The following PLXDC2 variants were observed in gnomAD, a reference collection of about 807,000 sequenced individuals.
PLXDC2 encodes plexin domain-containing protein 2.
Under a neutral mutation model 68.9 loss-of-function variants are expected in PLXDC2, and 40 were observed. The observed-to-expected ratio is 0.58, with a 90% CI of 0.45 to 0.76. The LOEUF (loss-of-function observed/expected upper bound fraction) is 0.76, where lower values mean the gene tolerates loss of function less well. PLXDC2 is among the 30% of genes least tolerant of loss of function. PLXDC2 has a pLI of 0.00. For synonymous variants in PLXDC2, 243 were observed against 234.2 expected (o/e 1.04, Z -0.34); for missense variants, 644 against 661.9 (o/e 0.97, Z 0.30).
chr10:20,086,065 A>G (rs1158113683), intron 4 of PLXDC2, among the ~76,000 whole-genome samples: 1 of 152,184 alleles, frequency 6.6e-6, no homozygotes, highest in Non-Finnish European at 1.5e-5. Flanking sequence ...ACAAGGCTCA[A>G]TGTCACCTCT....
At chr10:20,163,340 AG>A (rs1834331644) in intron 6 of PLXDC2, among the ~76,000 whole-genome samples, 1 of 152,220 alleles carries the variant, frequency 6.6e-6, no homozygotes, top group African/African-American at 2.4e-5. Flanking sequence ...TTAACAAAAT[AG>A]CCCTTTCACA....
At chr10:20,020,248 A>C (rs548698699) in intron 2 of PLXDC2, among the ~76,000 whole-genome samples, 175 of 143,602 alleles carry the variant, frequency 1.2e-3, no homozygotes, top group Admixed American at 2.0e-3. Context: ...TTGAACTCCC[A>C]GCATCAAGCA....
intron 3 of PLXDC2, among the ~76,000 whole-genome samples, chr10:20,065,869 G>A (rs1836200796): frequency 6.6e-6 from 1 of 152,248 alleles, no homozygotes; most frequent in Non-Finnish European, 1.5e-5. Context: ...GCTTCCCTGG[G>A]TTGCCTGCTG....
chr10:20,012,075 A>G lies in PLXDC2; in HGVS notation c.324+10089A>G, dbSNP rs145719059. Among the ~76,000 whole-genome samples, 598 of 152,280 alleles carry G rather than the reference A, an allele frequency of 3.9e-3. 4 individuals are homozygous for G. Among genetic ancestry groups the G allele is most frequent in the African/African-American group, 0.014 (568 of 41,550 alleles). On this transcript the variant is annotated intron_variant, in intron 2 of 13. Coordinates refer to ENST00000377252, the MANE Select transcript of PLXDC2 (RefSeq NM_032812.9). ...GTGTCTTTGTCAAATATTGTGACTT[A>G]GATGGAAACACTATTAGGTAGACAC...
At chr10:20,232,073 G>C (rs1260863850) in intron 12 of PLXDC2, among the ~76,000 whole-genome samples, 1 of 151,812 alleles carries the variant, frequency 6.6e-6, no homozygotes. Flanking sequence ...GCAGGTTACA[G>C]ATAAGAGAAT....
chr10:20,020,821 A>G (rs1835295549), intron 2 of PLXDC2, among the ~76,000 whole-genome samples: 1 of 152,162 alleles, frequency 6.6e-6, no homozygotes, highest in Non-Finnish European at 1.5e-5. Context: ...CCTTATACCC[A>G]AGATAATCCT....
intron 4 of PLXDC2, among the ~76,000 whole-genome samples, chr10:20,136,988 G>A (rs1833942864): frequency 6.6e-6 from 1 of 152,160 alleles, no homozygotes; most frequent in South Asian, 2.1e-4. Flanking sequence ...GCATCAGAAT[G>A]TAAGGAGAAA....
At chr10:20,142,978 T>G (rs1211936588) in intron 4 of PLXDC2, among the ~76,000 whole-genome samples, 1 of 152,066 alleles carries the variant, frequency 6.6e-6, no homozygotes, top group Non-Finnish European at 1.5e-5. Context: ...ATTGAATATT[T>G]GAATTACTTA....
Position 20,099,329 on chromosome 10 carries a change from A to G in PLXDC2, c.541+31090A>G, listed in dbSNP as rs1833392577. Among the ~76,000 whole-genome samples the G allele has an allele frequency of 2.0e-5, 3 of 152,302 alleles. No individual in the cohort carries two copies. In the South Asian group the frequency reaches 6.2e-4, roughly 32 times the overall value. On this transcript the variant is annotated intron_variant, in intron 4 of 13. Coordinates refer to ENST00000377252, the MANE Select transcript of PLXDC2 (RefSeq NM_032812.9). ...GAGATCTTCTTGTTCATTCTATTTT[A>G]GAAATTTCTCTTTTAAGGTCTGATT...
At chr10:20,035,976 A>G (rs1450184041) in intron 2 of PLXDC2, among the ~76,000 whole-genome samples, 1 of 152,204 alleles carries the variant, frequency 6.6e-6, no homozygotes, top group African/African-American at 2.4e-5. Context: ...ATCAAGACAG[A>G]TAACTGTGGA....
chr10:20,188,009 T>C (rs1834709725), intron 9 of PLXDC2, among the ~76,000 whole-genome samples: 1 of 151,666 alleles, frequency 6.6e-6, no homozygotes, highest in Admixed American at 6.6e-5. Context: ...CTCAATTAAA[T>C]ATATATTTCA....
Position 19,840,758 on chromosome 10 carries a change from C to G in PLXDC2, c.112+23567C>G, listed in dbSNP as rs553056355. Among the ~76,000 whole-genome samples, 56 of 152,066 alleles carry G rather than the reference C, an allele frequency of 3.7e-4. 1 individual carries two copies. The highest frequency in any genetic ancestry group is 3.4e-3 in the Middle Eastern group (1 of 292). On this transcript the variant is annotated intron_variant, in intron 1 of 13. Transcript: ENST00000377252. ...CTATCCTCATTATTGCAGTAAATAT[C>G]ATATGTGTGATATTACGTGATTGAA...
At chr10:20,207,945 G>T (rs900126925) in intron 9 of PLXDC2, among the ~76,000 whole-genome samples, 2 of 152,064 alleles carry the variant, frequency 1.3e-5, no homozygotes, top group African/African-American at 4.8e-5. Flanking sequence ...ATCCCATGGT[G>T]CATAATCTCT....
chr10:20,100,997 C>T (rs1450648338), intron 4 of PLXDC2, among the ~76,000 whole-genome samples: 1 of 152,004 alleles, frequency 6.6e-6, no homozygotes, highest in Non-Finnish European at 1.5e-5. Context: ...TTAATTTGAA[C>T]TTGTTACTAA....
intron 9 of PLXDC2, among the ~76,000 whole-genome samples, chr10:20,196,504 A>T (rs539428818): frequency 6.8e-6 from 1 of 147,852 alleles, no homozygotes; most frequent in East Asian, 2.1e-4. Context: ...ATCTCATTTA[A>T]TACACACCCA....
Position 20,254,795 on chromosome 10 carries a change from T to TATA in PLXDC2, c.1473+9290_1473+9291insATA, listed in dbSNP as rs566396598. ...TTGAAAAAAAGAGACACTCTATGTA[T>TATA]GTCAGTGGTTTTCTTTTCTCAATTT... On this transcript the variant is annotated intron_variant, in intron 13 of 13. Transcript: ENST00000377252. Among the ~76,000 whole-genome samples the TATA allele has an allele frequency of 3.5e-4, 53 of 152,318 alleles. No individual in the cohort carries two copies. The South Asian group carries it at 0.011, about 30-fold the overall frequency.
chr10:19,890,106 G>A (rs1837924906), intron 1 of PLXDC2, among the ~76,000 whole-genome samples: 1 of 152,168 alleles, frequency 6.6e-6, no homozygotes, highest in African/African-American at 2.4e-5. Flanking sequence ...ATAGCCTGCT[G>A]TGAGTGAAGG....
At chr10:20,132,347 C>T (rs1833878169) in intron 4 of PLXDC2, among the ~76,000 whole-genome samples, 1 of 152,060 alleles carries the variant, frequency 6.6e-6, no homozygotes, top group Non-Finnish European at 1.5e-5. Flanking sequence ...TTCTATATAT[C>T]TCTGTTAAAT....
At chr10:20,095,792 T>G (rs1833341956) in intron 4 of PLXDC2, among the ~76,000 whole-genome samples, 1 of 152,102 alleles carries the variant, frequency 6.6e-6, no homozygotes, top group Non-Finnish European at 1.5e-5. Flanking sequence ...TGGAGTGGAT[T>G]GGAGAAGGAT....
Sources: gnomAD v4.1 joint callset for allele counts (sites outside exome capture counted in the v4.1 genomes callset) on GRCh38, gnomAD v4.1.1 for gene constraint, MANE v1.5 for transcripts, NCBI Gene and HGNC (gene_info 2026-07-23, HGNC 2026-07-21) for gene names.